The following MUC7 variants were observed in gnomAD, a reference collection of about 807,000 sequenced individuals.
The protein encoded by MUC7 is mucin-7.
A neutral mutation model predicts 2.5 loss-of-function variants in MUC7; 2 were observed. The observed-to-expected ratio is 0.81, with a 90% CI of 0.33 to 2.55. MUC7 has a LOEUF of 2.55. Ranked by LOEUF, MUC7 falls within the 30% of genes most tolerant of loss-of-function variation. The probability of loss-of-function intolerance (pLI) is 0.11; values close to 1 mark genes in which losing one functional copy is unlikely to be tolerated. For missense variants in MUC7, 408 were observed against 455.6 expected (o/e 0.90, Z 0.95); for synonymous variants, 133 against 173.4 (o/e 0.77, Z 1.83).
intron 1 of MUC7, among the ~76,000 whole-genome samples, chr4:70,433,034 G>C (rs1733723286): frequency 6.6e-6 from 1 of 152,092 alleles, no homozygotes; most frequent in Admixed American, 6.5e-5. Flanking sequence ...AAGATCAGAT[G>C]GTTGTAGATC....
intron 1 of MUC7, among the ~76,000 whole-genome samples, chr4:70,451,714 C>T (rs988651277): frequency 7.9e-5 from 12 of 152,098 alleles, no homozygotes; most frequent in African/African-American, 2.4e-4. Flanking sequence ...TCCATGTGCT[C>T]AGGAGAAGAA....
At chr4:70,465,125 C>T (rs541807966) in intron 1 of MUC7, among the ~76,000 whole-genome samples, 1 of 152,310 alleles carries the variant, frequency 6.6e-6, no homozygotes, top group South Asian at 2.1e-4. Flanking sequence ...GAGTGGACAT[C>T]CAGCAAACTC....
At chr4:70,464,491 A>G (rs1215304164) in intron 1 of MUC7, among the ~76,000 whole-genome samples, 6 of 152,162 alleles carry the variant, frequency 3.9e-5, no homozygotes, top group African/African-American at 1.2e-4. Context: ...AAGCTAAGAT[A>G]CAATGGCTTG....
intron 1 of MUC7, among the ~76,000 whole-genome samples, chr4:70,440,295 C>A (rs1384781573): frequency 6.6e-6 from 1 of 152,088 alleles, no homozygotes; most frequent in African/African-American, 2.4e-5. Flanking sequence ...GATTTAGCTG[C>A]AGAATTTCTC....
rs550634012 is a variant in MUC7, at chr4:70,437,811, G to A, written c.-93+7124G>A. On this transcript the variant is annotated intron_variant, in intron 1 of 3. Coordinates refer to the MUC7 transcript ENST00000413702. ...AATCACCATCTTCTGCATCAGTCTC[G>A]CTGGGAGCTGTAGACTGGAGCTGTT... Among the ~76,000 whole-genome samples the A allele has an allele frequency of 3.9e-5, 6 of 152,170 alleles. No homozygotes were observed. The East Asian group carries it at 7.7e-4, about 20-fold the overall frequency.
chr4:70,480,784 C>A lies in MUC7; in HGVS notation c.55-15C>A, dbSNP rs1273354981. ...ATACTTTTTTCATTTCTTACATTTT[C>A]TTTCTTTTCTGCAGTTCAGTGAAGG... On this transcript the variant is annotated splice_polypyrimidine_tract_variant and intron_variant, in intron 2 of 2. Coordinates refer to ENST00000304887, the MANE Select transcript of MUC7 (RefSeq NM_152291.3). The A allele has an allele frequency of 6.2e-7, 1 of 1,602,436 alleles. No individual in the cohort carries two copies. Among genetic ancestry groups the A allele is most frequent in the East Asian group, 2.2e-5 (1 of 44,608 alleles).
chr4:70,441,431 A>G (rs562487325), intron 1 of MUC7, among the ~76,000 whole-genome samples: 60 of 152,318 alleles, frequency 3.9e-4, no homozygotes, highest in African/African-American at 1.4e-3. Context: ...CATAATGAAA[A>G]GAGAGTATCT....
intron 1 of MUC7, among the ~76,000 whole-genome samples, chr4:70,458,590 G>A (rs1734467579): frequency 6.6e-6 from 1 of 150,618 alleles, no homozygotes; most frequent in South Asian, 2.1e-4. Flanking sequence ...AGCCCACAAG[G>A]AAAAAAAGTA....
At chr4:70,457,032 A>G (rs1180162169) in intron 1 of MUC7, among the ~76,000 whole-genome samples, 4 of 109,264 alleles carry the variant, frequency 3.7e-5, no homozygotes, top group African/African-American at 1.2e-4. Flanking sequence ...AAATAATAAG[A>G]TGGAAGACAG....
At chr4:70,452,662 T>C (rs371328032) in intron 1 of MUC7, among the ~76,000 whole-genome samples, 10 of 152,316 alleles carry the variant, frequency 6.6e-5, no homozygotes, top group Admixed American at 3.3e-4. Flanking sequence ...AAAGTTGTTG[T>C]AGTTACTATA....
chr4:70,457,734 TAGAA>T (rs1465857697), intron 1 of MUC7, among the ~76,000 whole-genome samples: 1 of 151,982 alleles, frequency 6.6e-6, no homozygotes, highest in Non-Finnish European at 1.5e-5. Flanking sequence ...CAAATTTAAA[TAGAA>T]AGAAGGAAAA....
chr4:70,463,238 T>C lies in MUC7; in HGVS notation c.-92-8977T>C, dbSNP rs1046052458. Among the ~76,000 whole-genome samples, 4 of 152,306 alleles carry C rather than the reference T, an allele frequency of 2.6e-5. No homozygotes were observed. The South Asian group carries it at 8.3e-4, about 32-fold the overall frequency. ...AAAATAATATTGACACAACAGAAGC[T>C]ATCTTGATTAACTGGTTAAAATAAC... On this transcript the variant is annotated intron_variant, in intron 1 of 3. Transcript: ENST00000413702.
At chr4:70,442,890 T>C (rs1375796491) in intron 1 of MUC7, among the ~76,000 whole-genome samples, 1 of 152,214 alleles carries the variant, frequency 6.6e-6, no homozygotes, top group Non-Finnish European at 1.5e-5. Flanking sequence ...CAGTTAAAAC[T>C]GGTCACATTA....
chr4:70,459,491 T>C (rs1734499127), intron 1 of MUC7, among the ~76,000 whole-genome samples: 1 of 152,020 alleles, frequency 6.6e-6, no homozygotes, highest in Admixed American at 6.6e-5. Flanking sequence ...AATGACTAGT[T>C]AATGGGTGCA....
At chr4:70,474,273 C>T (rs891896320) in intron 2 of MUC7, among the ~76,000 whole-genome samples, 198 bp downstream of exon 2, 1 of 151,854 alleles carries the variant, frequency 6.6e-6, no homozygotes, top group African/African-American at 2.4e-5. Flanking sequence ...TATGGGAAGC[C>T]TAGGAGGGAG....
intron 1 of MUC7, among the ~76,000 whole-genome samples, chr4:70,441,823 T>A (rs1015835017): frequency 4.6e-5 from 7 of 152,232 alleles, no homozygotes; most frequent in African/African-American, 1.7e-4. Flanking sequence ...CCTTTAGGCC[T>A]ACCATCCATT....
At chr4:70,466,938 A>G (rs770421815) in intron 1 of MUC7, among the ~76,000 whole-genome samples, 1 of 152,136 alleles carries the variant, frequency 6.6e-6, no homozygotes, top group Non-Finnish European at 1.5e-5. Flanking sequence ...CTCTCCACCC[A>G]AAATCAACAG....
intron 1 of MUC7, among the ~76,000 whole-genome samples, chr4:70,439,822 AATT>A (rs1486818089): frequency 2.0e-5 from 3 of 152,094 alleles, no homozygotes; most frequent in South Asian, 2.1e-4. Flanking sequence ...AGAATTTAAA[AATT>A]ATTATGTTTA....
chr4:70,440,566 T>A (rs1733977224), intron 1 of MUC7, among the ~76,000 whole-genome samples: 1 of 152,162 alleles, frequency 6.6e-6, no homozygotes, highest in Admixed American at 6.6e-5. Context: ...TTTATAATAA[T>A]AATATGTTCC....
Sources: gnomAD v4.1 joint callset for allele counts (sites outside exome capture counted in the v4.1 genomes callset) on GRCh38, gnomAD v4.1.1 for gene constraint, MANE v1.5 for transcripts, NCBI Gene and HGNC (gene_info 2026-07-23, HGNC 2026-07-21) for gene names.